CPQ: variants seen among roughly 807,000 people sequenced by gnomAD.
CPQ encodes carboxypeptidase Q.
Under a neutral mutation model 45.7 loss-of-function variants are expected in CPQ, and 37 were observed. The observed-to-expected ratio is 0.81, with a 90% CI of 0.62 to 1.07. CPQ has a LOEUF of 1.07. CPQ is among the 50% of genes least tolerant of loss of function. The pLI, the probability that CPQ is intolerant of heterozygous loss-of-function variation, is 0.00. For synonymous variants in CPQ, 186 were observed against 205.8 expected (o/e 0.90, Z 0.82); for missense variants, 537 against 572.9 (o/e 0.94, Z 0.64).
chr8:97,067,969 G>A (rs1234105860), intron 7 of CPQ, among the ~76,000 whole-genome samples: 5 of 152,138 alleles, frequency 3.3e-5, no homozygotes, highest in Non-Finnish European at 5.9e-5. Context: ...CCCTGAATAA[G>A]CTGCTGTGTG....
Position 96,843,549 on chromosome 8 carries a change from G to T in CPQ, c.641+8369G>T, listed in dbSNP as rs1811645116. 9.2e-5 allele frequency among the ~76,000 whole-genome samples: 14 copies of T among 152,182 alleles called. 1 individual carries two copies. Among genetic ancestry groups the T allele is most frequent in the Admixed American group, 9.2e-4 (14 of 15,278 alleles). On this transcript the variant is annotated intron_variant, in intron 3 of 7. Coordinates refer to ENST00000220763, the MANE Select transcript of CPQ (RefSeq NM_016134.4). The stretch of plus-strand genomic sequence containing the variant: ...CTGTTCAGTTTGTCCAAACTCTGCT[G>T]GGGTTATGTATTTACTAGTCTGTCT...
At chr8:97,077,073 T>TTA (rs1810859049) in intron 7 of CPQ, among the ~76,000 whole-genome samples, 2 of 152,200 alleles carry the variant, frequency 1.3e-5, no homozygotes, top group Admixed American at 6.5e-5. Context: ...GTACTCTATT[T>TTA]ATCAATACCA....
chr8:97,024,550 T>A (rs1309891702), intron 5 of CPQ, among the ~76,000 whole-genome samples: 1 of 152,206 alleles, frequency 6.6e-6, no homozygotes, highest in Non-Finnish European at 1.5e-5. Context: ...GAGAAGTAGT[T>A]GCAGTTTACT....
chr8:96,689,933 ATT>A (rs1809282777), intron 1 of CPQ, among the ~76,000 whole-genome samples: 1 of 151,892 alleles, frequency 6.6e-6, no homozygotes, highest in South Asian at 2.1e-4. Context: ...GTCCTTCATA[ATT>A]CTTACTTTGT....
intron 2 of CPQ, among the ~76,000 whole-genome samples, chr8:96,821,375 C>T (rs1256621299): frequency 6.6e-6 from 1 of 151,746 alleles, no homozygotes; most frequent in Non-Finnish European, 1.5e-5. Context: ...GACCAATGTT[C>T]TGGGACATTT....
At chr8:96,895,155 C>T (rs941941211) in intron 4 of CPQ, among the ~76,000 whole-genome samples, 2 of 152,002 alleles carry the variant, frequency 1.3e-5, no homozygotes, top group Admixed American at 6.6e-5. Flanking sequence ...AATAGAAGTT[C>T]CTGGTGAAAA....
chr8:96,795,186 G>T (rs1335589191), intron 2 of CPQ, among the ~76,000 whole-genome samples: 1 of 152,164 alleles, frequency 6.6e-6, no homozygotes, highest in African/African-American at 2.4e-5. Context: ...AAAAGAAAGA[G>T]ATTTACTAGA....
At chr8:96,762,215 T>C (rs1452774215) in intron 1 of CPQ, among the ~76,000 whole-genome samples, 1 of 152,216 alleles carries the variant, frequency 6.6e-6, no homozygotes, top group African/African-American at 2.4e-5. Context: ...AGAAAGTTCA[T>C]GTTCTTATCT....
At chr8:97,047,162 T>A (rs1490576064) in intron 6 of CPQ, among the ~76,000 whole-genome samples, 2 of 152,248 alleles carry the variant, frequency 1.3e-5, no homozygotes, top group African/African-American at 2.4e-5. Context: ...ATGATAGTAA[T>A]GACCCTGGTG....
chr8:96,745,904 G>A (rs1236934022), intron 1 of CPQ, among the ~76,000 whole-genome samples: 1 of 152,206 alleles, frequency 6.6e-6, no homozygotes, highest in African/African-American at 2.4e-5. Flanking sequence ...GTGGGAAGTT[G>A]TACTTTAGAA....
At chr8:96,875,242 T>C (rs1177990133) in intron 3 of CPQ, among the ~76,000 whole-genome samples, 60 of 151,994 alleles carry the variant, frequency 3.9e-4, no homozygotes, top group Non-Finnish European at 7.4e-5. Context: ...ATCAGATATA[T>C]GCTTTGTAAA....
intron 5 of CPQ, among the ~76,000 whole-genome samples, chr8:96,989,691 G>A (rs979653907): frequency 1.3e-5 from 2 of 152,106 alleles, no homozygotes; most frequent in Non-Finnish European, 2.9e-5. Context: ...AAAATTAAAA[G>A]GACATATTCC....
intron 2 of CPQ, among the ~76,000 whole-genome samples, chr8:96,831,186 T>C (rs1811453939): frequency 6.6e-6 from 1 of 152,140 alleles, no homozygotes; most frequent in Admixed American, 6.6e-5. Context: ...GTATTATACT[T>C]TTATTTTTTC....
chr8:96,653,899 T>C (rs768449816), intron 1 of CPQ, among the ~76,000 whole-genome samples: 2 of 152,180 alleles, frequency 1.3e-5, no homozygotes, highest in Non-Finnish European at 2.9e-5. Flanking sequence ...TGTCTGGAAA[T>C]ACATAATAAT....
At chr8:96,675,248 C>T in intron 1 of CPQ, among the ~76,000 whole-genome samples, 1 of 152,096 alleles carries the variant, frequency 6.6e-6, no homozygotes, top group South Asian at 2.1e-4. Flanking sequence ...TTATCAGTGT[C>T]TTATGTGTCA....
At chr8:96,911,361 G>A (rs370815729) in intron 4 of CPQ, among the ~76,000 whole-genome samples, 1 of 152,214 alleles carries the variant, frequency 6.6e-6, no homozygotes, top group African/African-American at 2.4e-5. Context: ...GAAGGGTCAG[G>A]CTGGTGCATA....
intron 1 of CPQ, among the ~76,000 whole-genome samples, chr8:96,677,288 C>T (rs888001351): frequency 6.6e-6 from 1 of 152,120 alleles, no homozygotes; most frequent in African/African-American, 2.4e-5. Flanking sequence ...ACATTCCCAC[C>T]AACAGTTCTA....
At chr8:96,757,177 G>A (rs576932107) in intron 1 of CPQ, among the ~76,000 whole-genome samples, 2 of 151,924 alleles carry the variant, frequency 1.3e-5, no homozygotes, top group South Asian at 2.1e-4. Context: ...GTGAAACCCC[G>A]TCTGTGCTAG....
intron 7 of CPQ, among the ~76,000 whole-genome samples, chr8:97,069,808 T>C (rs907255495): frequency 1.3e-5 from 2 of 152,152 alleles, no homozygotes; most frequent in Non-Finnish European, 2.9e-5. Flanking sequence ...TAAATTTCTA[T>C]AATTTGAGGT....
Sources: gnomAD v4.1 joint callset for allele counts (sites outside exome capture counted in the v4.1 genomes callset) on GRCh38, gnomAD v4.1.1 for gene constraint, MANE v1.5 for transcripts, NCBI Gene and HGNC (gene_info 2026-07-23, HGNC 2026-07-21) for gene names.